Variants in ZNF202 observed in about 807,000 individuals in gnomAD.
The protein encoded by ZNF202 is zinc finger protein 202, also known as zinc finger protein with KRAB and SCAN domains 10.
In ZNF202, 22 loss-of-function variants were observed where a neutral mutation model predicts 54.5. That is an observed-to-expected ratio of 0.40 (90% CI 0.29 to 0.58). The LOEUF (loss-of-function observed/expected upper bound fraction) is 0.58. Among genes scored for constraint, ZNF202 ranks in the 20% least tolerant of loss-of-function variants. ZNF202 has a pLI of 0.39. For synonymous variants in ZNF202, 294 were observed against 301.4 expected (o/e 0.98, Z 0.26); for missense variants, 644 against 805.5 (o/e 0.80, Z 2.43).
intron 6 of ZNF202, 54 bp from the exon 7 acceptor site, chr11:123,728,316 T>C: frequency 6.5e-7 from 1 of 1,547,280 alleles, no homozygotes; most frequent in Non-Finnish European, 8.8e-7. Context: ...AGCCTCGTAT[T>C]TTGTCCCTGT....
At chr11:123,731,957 G>GT (rs1325733511) in intron 3 of ZNF202, among the ~76,000 whole-genome samples, 3 of 152,126 alleles carry the variant, frequency 2.0e-5, no homozygotes, top group Admixed American at 6.5e-5. Context: ...CCTTTTCCCT[G>GT]TATCACCTGG....
Position 123,730,439 on chromosome 11 carries a change from C to A in ZNF202, c.402+48G>T, listed in dbSNP as rs781026845. 1 of 1,481,290 alleles carries A rather than the reference C, an allele frequency of 6.8e-7. No homozygotes were observed. The highest frequency in any genetic ancestry group is 1.4e-5 in the African/African-American group (1 of 71,412). The allele number at this position is 1,481,290 out of a possible 1,614,324, so 91.8% of individuals were successfully genotyped here. The stretch of plus-strand genomic sequence containing the variant: ...TCTCCCCGCAAATCCAGCCTTCCAG[C>A]AAATAGTCCCCCTCCACATCACACA... On this transcript the variant is annotated intron_variant, in intron 4 of 8. Coordinates refer to ENST00000530393, the MANE Select transcript of ZNF202 (RefSeq NM_003455.4). This position sits in a 1 kb window ranked among gnomAD's most constrained non-coding sequence, Gnocchi z 6.0.
intron 6 of ZNF202, 60 bp from the exon 7 acceptor site, chr11:123,728,322 C>T: frequency 6.5e-7 from 1 of 1,539,884 alleles, no homozygotes; most frequent in Non-Finnish European, 8.8e-7. Context: ...GTATTTTGTC[C>T]CTGTTGAAGG....
chr11:123,735,099 T>G (rs1388742787), intron 3 of ZNF202, among the ~76,000 whole-genome samples: 2 of 152,106 alleles, frequency 1.3e-5, no homozygotes, highest in Admixed American at 1.3e-4. Context: ...GGAACTACAA[T>G]ACTAATTATT....
chr11:123,737,025 A>G (rs1033894743), intron 3 of ZNF202, among the ~76,000 whole-genome samples: 3 of 152,204 alleles, frequency 2.0e-5, no homozygotes, highest in South Asian at 2.1e-4. Context: ...GTCTATTGTT[A>G]TATCAAAGAA....
intron 5 of ZNF202, among the ~76,000 whole-genome samples, 158 bp downstream of exon 5, chr11:123,729,457 G>C (rs994794622): frequency 6.6e-6 from 1 of 152,172 alleles, no homozygotes; most frequent in African/African-American, 2.4e-5. Flanking sequence ...GGGGACTCTA[G>C]CTGGCGGTAC....
chr11:123,737,389 T>A (rs561943527), intron 3 of ZNF202, among the ~76,000 whole-genome samples: 45 of 152,226 alleles, frequency 3.0e-4, no homozygotes, highest in Non-Finnish European at 6.2e-4. Flanking sequence ...CCACCTAAGT[T>A]TCCCCCCCGC....
At position 123,725,049 on chromosome 11, in the gene ZNF202, A is replaced by T. The variant is rs555358432; in HGVS notation, c.*948T>A. 1 of 152,334 alleles carries T rather than the reference A, an allele frequency of 6.6e-6. No homozygotes were observed. Among genetic ancestry groups the T allele is most frequent in the Admixed American group, 6.5e-5 (1 of 15,308 alleles). 9.4% of individuals were successfully genotyped at this position (152,334 alleles called of 1,614,324 possible). A position where few individuals can be genotyped will look rare whatever the true frequency, so the allele number is the denominator to read the frequency against. Reference sequence around the variant, plus strand: ...TGACAGTTTCCAAATCCCCTTACTCATACGACCCCTGTGAAGGGGGGTGTG... The same window carrying T: ...TGACAGTTTCCAAATCCCCTTACTCTTACGACCCCTGTGAAGGGGGGTGTG... On this transcript the variant is annotated 3_prime_UTR_variant, in exon 9 of 9. Transcript: ENST00000530393.
At chr11:123,736,079 A>G (rs992015789) in intron 3 of ZNF202, among the ~76,000 whole-genome samples, 1 of 152,204 alleles carries the variant, frequency 6.6e-6, no homozygotes, top group Non-Finnish European at 1.5e-5. Flanking sequence ...GAGAGGAGCT[A>G]TCAAGGTAAG....
intron 3 of ZNF202, among the ~76,000 whole-genome samples, chr11:123,732,368 A>C (rs1232538413): frequency 6.6e-6 from 1 of 152,120 alleles, no homozygotes; most frequent in Non-Finnish European, 1.5e-5. Flanking sequence ...TCATCTTGTT[A>C]TTCTCTTCGC....
In ZNF202 at chr11:123,729,031, T is replaced by C. The variant is rs1201118527; in HGVS notation, c.702+95A>G. ...ACTGTGAGCTTAAAACTGGCAAGAG[T>C]GTAAATGTGCATCCTGCTTCACCTG... is the stretch of plus-strand genomic sequence containing the variant. On this transcript the variant is annotated intron_variant, in intron 6 of 8. Transcript: ENST00000530393. 4 of 1,254,168 alleles carry C rather than the reference T, an allele frequency of 3.2e-6. No homozygotes were observed. The African/African-American group carries it at 4.4e-5, about 14-fold the overall frequency. 77.7% of individuals were successfully genotyped at this position (1,254,168 alleles called of 1,614,324 possible).
chr11:123,726,071 T>A lies in ZNF202; in HGVS notation c.1873A>T (p.Thr625Ser). The A allele has an allele frequency of 6.2e-7, 1 of 1,614,142 alleles. No individual in the cohort carries two copies. The highest frequency in any genetic ancestry group is 1.1e-5 in the South Asian group (1 of 91,076). ...HTGEKPFTCP[T>S]CGKSFSRGYH... ...CCTCTGCTGAAGCTTTTTCCACAGGTAGGGCACGTGAATGGTTTCTCCCCA... is the reference window on the plus strand; with the variant it reads ...CCTCTGCTGAAGCTTTTTCCACAGGAAGGGCACGTGAATGGTTTCTCCCCA... Residue 625 changes from threonine (T) to serine (S), a missense_variant, in exon 9 of 9, where the codon ACC (threonine) becomes TCC (serine). Coordinates refer to ENST00000530393, the MANE Select transcript of ZNF202 (RefSeq NM_003455.4). The surrounding 1 kb of genome is among the most constrained non-coding windows in gnomAD (Gnocchi z 6.0).
At chr11:123,729,268 G>A in intron 5 of ZNF202, 54 bp from the exon 6 acceptor site, 2 of 1,552,504 alleles carry the variant, frequency 1.3e-6, no homozygotes, top group Non-Finnish European at 1.8e-6. Context: ...CCAATAATGG[G>A]CAAAAATCTG....
chr11:123,727,901 A>T (rs1861225799), intron 7 of ZNF202, among the ~76,000 whole-genome samples: 1 of 152,222 alleles, frequency 6.6e-6, no homozygotes, highest in African/African-American at 2.4e-5. Context: ...ATATTTCTGC[A>T]CTAAAGCTGT....
At chr11:123,736,660 C>A (rs142211575) in intron 3 of ZNF202, among the ~76,000 whole-genome samples, 3 of 152,316 alleles carry the variant, frequency 2.0e-5, no homozygotes, top group Non-Finnish European at 4.4e-5. Context: ...CCTAAGCTTT[C>A]CACATAATGG....
intron 3 of ZNF202, among the ~76,000 whole-genome samples, chr11:123,732,066 C>A (rs929977700): frequency 4.6e-5 from 7 of 152,164 alleles, no homozygotes; most frequent in African/African-American, 1.7e-4. Context: ...TACTCTCCAC[C>A]CTTCTCCTTT....
chr11:123,726,320 A>T lies in ZNF202; in HGVS notation c.1624T>A (p.Cys542Ser), dbSNP rs757235262. ...CTGTGTTCACTGAAGTCCTCACCAC[A>T]CTCTCCACACAAGTAGGGTTTGCCT... ...LGGKPYLCGE[C>S]GEDFSEHRRY... The change falls in exon 9 of 9, where the codon TGT becomes AGT. Residue 542 changes from cysteine to serine, a missense_variant. Cys to Ser is a moderately radical substitution (Grantham distance 112). This residue lies in a region of ZNF202 where 536 missense variants were observed against 635.3 expected (regional missense o/e 0.84). Coordinates refer to ENST00000530393, the MANE Select transcript of ZNF202 (RefSeq NM_003455.4). This position sits in a 1 kb window ranked among gnomAD's most constrained non-coding sequence, Gnocchi z 6.0. The T allele has an allele frequency of 5.4e-5, 87 of 1,613,576 alleles. No individual in the cohort carries two copies. The highest frequency in any genetic ancestry group is 7.1e-5 in the Non-Finnish European group (84 of 1,179,924).
chr11:123,738,940 GA>G (rs1861745836), intron 3 of ZNF202: 1 of 152,214 alleles, frequency 6.6e-6, no homozygotes, highest in African/African-American at 2.4e-5. Context: ...AGGAATCTCA[GA>G]AGTCATTCTT....
At chr11:123,729,864 G>A in intron 4 of ZNF202, 39 bp from the exon 5 acceptor site, 1 of 1,555,774 alleles carries the variant, frequency 6.4e-7, no homozygotes, top group South Asian at 1.2e-5. Context: ...ATGGAGTCAG[G>A]AGGAAGTTCT....
Sources: allele counts gnomAD v4.1 joint callset (sites outside exome capture counted in the v4.1 genomes callset), GRCh38; gene constraint gnomAD v4.1.1; regional missense constraint gnomAD v4.1.1; non-coding constraint Gnocchi (gnomAD v3.1); transcripts MANE v1.5; gene names NCBI Gene and HGNC (gene_info 2026-07-23, HGNC 2026-07-21).